The following MAP2K4 variants were observed in gnomAD, a reference collection of about 807,000 sequenced individuals.
MAP2K4 encodes the protein mitogen-activated protein kinase kinase 4.
In MAP2K4, 4 loss-of-function variants were observed where a neutral mutation model predicts 48.5. The ratio of observed to expected loss-of-function variants is 0.08; its 90% CI spans 0.04 to 0.19. MAP2K4 has a LOEUF of 0.19. MAP2K4 is among the 10% of genes least tolerant of loss of function. The pLI is 1.00. For synonymous variants in MAP2K4, 166 were observed against 173.1 expected (o/e 0.96, Z 0.32); for missense variants, 258 against 493.3 (o/e 0.52, Z 4.52).
At chr17:12,028,268 G>A (rs1969323390) in intron 1 of MAP2K4, among the ~76,000 whole-genome samples, 1 of 152,136 alleles carries the variant, frequency 6.6e-6, no homozygotes, top group South Asian at 2.1e-4. Context: ...GGCATTATGA[G>A]GACACTTGAA....
chr17:12,093,726 C>A (rs553188576), intron 3 of MAP2K4, among the ~76,000 whole-genome samples: 5 of 152,162 alleles, frequency 3.3e-5, no homozygotes, highest in African/African-American at 1.2e-4. Context: ...CTTCCCCAAC[C>A]AAAGGGTTAT....
chr17:12,118,659 A>C (rs1972578207), intron 7 of MAP2K4, among the ~76,000 whole-genome samples: 1 of 152,228 alleles, frequency 6.6e-6, no homozygotes, highest in Non-Finnish European at 1.5e-5. Context: ...CAGCCATGTG[A>C]CCAGGATATC....
At chr17:12,066,759 C>T (rs186057270) in intron 2 of MAP2K4, among the ~76,000 whole-genome samples, 11 of 152,212 alleles carry the variant, frequency 7.2e-5, no homozygotes, top group South Asian at 2.1e-4. Flanking sequence ...GCGTGATCTC[C>T]GCTCACTGCA....
chr17:12,021,037 T>C (rs1183398746), intron 1 of MAP2K4, 36 bp downstream of exon 1: 9 of 1,160,468 alleles, frequency 7.8e-6, no homozygotes, highest in Admixed American at 4.4e-5. Context: ...CCCAGCCCCC[T>C]AGCGCGGCAA....
At chr17:12,085,564 C>T (rs1452326442) in intron 3 of MAP2K4, among the ~76,000 whole-genome samples, 6 of 151,984 alleles carry the variant, frequency 3.9e-5, no homozygotes, top group Middle Eastern at 3.2e-3. Context: ...TTCTTTTGAA[C>T]CTCAGCTCTA....
At chr17:12,104,345 A>G (rs531713920) in intron 4 of MAP2K4, among the ~76,000 whole-genome samples, 1 of 152,262 alleles carries the variant, frequency 6.6e-6, no homozygotes, top group Admixed American at 6.5e-5. Context: ...AGACTGGGAA[A>G]TGTAGATTTT....
chr17:12,036,008 C>A (rs994901732), intron 1 of MAP2K4, among the ~76,000 whole-genome samples: 5 of 152,038 alleles, frequency 3.3e-5, no homozygotes, highest in African/African-American at 7.2e-5. Flanking sequence ...GCACAAATAG[C>A]GATTACATAT....
intron 1 of MAP2K4, among the ~76,000 whole-genome samples, chr17:12,052,777 T>C (rs966671500): frequency 1.3e-5 from 2 of 152,300 alleles, no homozygotes; most frequent in African/African-American, 4.8e-5. Flanking sequence ...TTAACTTAAT[T>C]TTTTCTGTAA....
chr17:12,068,123 A>G (rs192836886), intron 2 of MAP2K4, among the ~76,000 whole-genome samples: 1 of 152,330 alleles, frequency 6.6e-6, no homozygotes, highest in East Asian at 1.9e-4. Flanking sequence ...GAATGGAAGG[A>G]ATGGCAGTTC....
intron 4 of MAP2K4, among the ~76,000 whole-genome samples, chr17:12,099,720 A>G (rs540985530): frequency 7.5e-4 from 115 of 152,326 alleles, no homozygotes; most frequent in African/African-American, 2.6e-3. Flanking sequence ...AGAGCTTGAT[A>G]ATAATTGAAT....
chr17:12,081,500 C>T lies in MAP2K4; in HGVS notation c.363C>T (p.His121=), dbSNP rs551524944. ...GAYGSVNKMV[H]KPSGQIMAVK... ...ATGGTTCTGTCAACAAAATGGTCCA[C>T]AAACCAAGTGGGCAAATAATGGCAG... Residue 121 remains histidine (H), a synonymous_variant, in exon 3 of 11, where the codon CAC becomes CAT. Coordinates refer to ENST00000353533, the MANE Select transcript of MAP2K4 (RefSeq NM_003010.4). This position sits in a 1 kb window ranked among gnomAD's most constrained non-coding sequence, Gnocchi z 4.2. 2 of 1,614,042 alleles carry T rather than the reference C, an allele frequency of 1.2e-6. No homozygotes were observed. Among genetic ancestry groups the T allele is most frequent in the African/African-American group, 2.7e-5 (2 of 75,016 alleles).
At chr17:12,094,546 A>G (rs1281051823) in intron 3 of MAP2K4, among the ~76,000 whole-genome samples, 1 of 152,220 alleles carries the variant, frequency 6.6e-6, no homozygotes, top group Non-Finnish European at 1.5e-5. Context: ...CACACTATGT[A>G]TTGTACACAG....
chr17:12,033,723 A>C (rs1341850101), intron 1 of MAP2K4, among the ~76,000 whole-genome samples: 2 of 152,220 alleles, frequency 1.3e-5, no homozygotes, highest in African/African-American at 4.8e-5. Flanking sequence ...TTGACTTTTC[A>C]AAATGTCTGC....
At chr17:12,125,402 G>C (rs1972823040) in intron 8 of MAP2K4, 31 bp downstream of exon 8, 1 of 1,562,250 alleles carries the variant, frequency 6.4e-7, no homozygotes. Context: ...CCTTGCCACA[G>C]TAGCGTAACA....
chr17:12,095,758 G>C, intron 4 of MAP2K4, 64 bp downstream of exon 4: 1 of 1,545,920 alleles, frequency 6.5e-7, no homozygotes, highest in Non-Finnish European at 8.9e-7. Context: ...AAGATGGCAG[G>C]ATTCGATTCT....
chr17:12,142,285 T>C lies in MAP2K4; in HGVS notation c.*1025T>C, dbSNP rs1973397151. 8.6e-6 allele frequency: 2 copies of C among 233,432 alleles called. No homozygotes were observed. The highest frequency in any genetic ancestry group is 3.6e-4 in the South Asian group (2 of 5,526). The allele number at this position is 233,432 out of a possible 1,614,324, so 14.5% of individuals were successfully genotyped here. On this transcript the variant is annotated 3_prime_UTR_variant, in exon 11 of 11. Transcript: ENST00000353533. ...TGTGCCTTGATTGATTAGATAAAGA[T>C]TTCTAGTAGGCAGCAAAAGACCAAA...
chr17:12,097,765 G>T (rs1248312342), intron 4 of MAP2K4, among the ~76,000 whole-genome samples: 1 of 152,208 alleles, frequency 6.6e-6, no homozygotes, highest in Non-Finnish European at 1.5e-5. Flanking sequence ...CCAACAAGTA[G>T]CAGAGATGGG....
chr17:12,034,047 C>T (rs1969519030), intron 1 of MAP2K4, among the ~76,000 whole-genome samples: 1 of 152,202 alleles, frequency 6.6e-6, no homozygotes, highest in African/African-American at 2.4e-5. Context: ...TTCAGCCTCC[C>T]AGAGTGCTGA....
intron 1 of MAP2K4, chr17:12,032,124 T>A (rs1373490209): frequency 1.8e-5 from 7 of 399,752 alleles, no homozygotes; most frequent in Admixed American, 4.3e-5. Flanking sequence ...CATGTGTTAT[T>A]GTCTCTGGTG....
Sources: allele counts gnomAD v4.1 joint callset (sites outside exome capture counted in the v4.1 genomes callset), GRCh38; gene constraint gnomAD v4.1.1; non-coding constraint Gnocchi (gnomAD v3.1); transcripts MANE v1.5; gene names NCBI Gene and HGNC (gene_info 2026-07-23, HGNC 2026-07-21).